The following TOP2B variants were observed in gnomAD, a reference collection of about 807,000 sequenced individuals.
TOP2B encodes DNA topoisomerase 2-beta.
Under a neutral mutation model 193.5 loss-of-function variants are expected in TOP2B, and 51 were observed. That is an observed-to-expected ratio of 0.26 (90% CI 0.21 to 0.33). TOP2B has a LOEUF of 0.33. TOP2B is among the 10% of genes least tolerant of loss of function. The pLI is 1.00. For synonymous variants in TOP2B, 634 were observed against 635.7 expected, an observed-to-expected ratio of 1.00 and a Z score of 0.04; for missense variants, 1,378 against 1,909.3, an observed-to-expected ratio of 0.72 and a Z score of 5.19.
Position 25,627,252 on chromosome 3 carries a change from C to T in TOP2B, c.1951G>A (p.Asp651Asn). The T allele has an allele frequency of 6.2e-7, 1 of 1,609,724 alleles. No homozygotes were observed. Among genetic ancestry groups the T allele is most frequent in the Non-Finnish European group, 8.5e-7 (1 of 1,178,422 alleles). ...TAKEAKEYFA[D>N]MERHRILFRY... The stretch of plus-strand genomic sequence containing the variant: ...AACAAGATGCGATGCCTTTCCATAT[C>T]AGCAAAATATTCCTTTGCTTCTTTA... The change falls in exon 16 of 36, where the codon GAT (aspartate) becomes AAT (asparagine). Residue 651 changes from aspartate (D) to asparagine (N), a missense_variant. Coordinates refer to ENST00000264331, the MANE Select transcript of TOP2B (RefSeq NM_001330700.2).
At chr3:25,662,132 C>T (rs964599805) in intron 1 of TOP2B, among the ~76,000 whole-genome samples, 6 of 152,192 alleles carry the variant, frequency 3.9e-5, no homozygotes, top group Non-Finnish European at 8.8e-5. Flanking sequence ...CATCATTAAG[C>T]CCAGCACTGT....
intron 21 of TOP2B, among the ~76,000 whole-genome samples, chr3:25,622,666 A>G (rs1040723559): frequency 3.4e-5 from 5 of 146,220 alleles, no homozygotes; most frequent in African/African-American, 1.3e-4. Context: ...TGGGAGACGG[A>G]GTCTCATTCT....
Position 25,634,778 on chromosome 3 carries a change from C to CAAAAAAAAAA in TOP2B, c.853-774_853-765dup, listed in dbSNP as rs34755793. Among the ~76,000 whole-genome samples, 3 of 26,560 alleles carry CAAAAAAAAAA rather than the reference C, an allele frequency of 1.1e-4. 1 individual carries two copies. Among genetic ancestry groups the CAAAAAAAAAA allele is most frequent in the Admixed American group, 4.5e-4 (1 of 2,200 alleles). 17.4% of individuals were successfully genotyped at this position (26,560 alleles called of 152,430 possible). ...ATCAACCCAGATCTATCTCCCTTACCAAAAAAAAAAAAAAAAAAACCAAAA... is the reference window on the plus strand; with the variant it reads ...ATCAACCCAGATCTATCTCCCTTACCAAAAAAAAAAAAAAAAAAAAAAAAAAAAACCAAAA... On this transcript the variant is annotated intron_variant, in intron 7 of 35. Coordinates refer to ENST00000264331, the MANE Select transcript of TOP2B (RefSeq NM_001330700.2).
At chr3:25,623,978 T>TA (rs1702730341) in intron 20 of TOP2B, among the ~76,000 whole-genome samples, 1 of 152,218 alleles carries the variant, frequency 6.6e-6, no homozygotes, top group South Asian at 2.1e-4. Context: ...CTTATGTACT[T>TA]ACCTACCTGA....
chr3:25,605,529 T>G (rs917167504), intron 32 of TOP2B, among the ~76,000 whole-genome samples: 3 of 151,990 alleles, frequency 2.0e-5, no homozygotes, highest in African/African-American at 7.2e-5. Context: ...ATGTGTGTAT[T>G]AAAAAATGAT....
In TOP2B at chr3:25,624,821, CT is replaced by C; in HGVS notation, c.2225-19del. 6.2e-7 allele frequency: 1 copy of C among 1,606,270 alleles called. No individual in the cohort carries two copies. The highest frequency in any genetic ancestry group is 8.5e-7 in the Non-Finnish European group (1 of 1,176,770). ...TTTAAAGCCTATTTTTAAAAGAGCT[CT>C]TTTAAAATGTTACTTCAAGATATAG... On this transcript the variant is annotated intron_variant, in intron 18 of 35. Transcript: ENST00000264331.
At chr3:25,611,318 C>T (rs898746848) in intron 28 of TOP2B, among the ~76,000 whole-genome samples, 4 of 152,070 alleles carry the variant, frequency 2.6e-5, no homozygotes, top group Admixed American at 6.6e-5. Flanking sequence ...ACCTGTGTGC[C>T]GTGGGGAGCC....
chr3:25,599,555 CTTCCGTGGTT>C (rs1702033423), intron 34 of TOP2B, 26 bp from the exon 35 acceptor site: 1 of 1,591,922 alleles, frequency 6.3e-7, no homozygotes, highest in Non-Finnish European at 8.6e-7. Flanking sequence ...AAGGTTTTTT[CTTCCGTGGTT>C]AAGTGCAATA....
At chr3:25,612,376 C>T in intron 28 of TOP2B, 139 bp downstream of exon 28, 1 of 592,684 alleles carries the variant, frequency 1.7e-6, no homozygotes, top group Non-Finnish European at 2.7e-6. Flanking sequence ...CAACTGCTGT[C>T]ATAGAAGGAT....
intron 9 of TOP2B, 41 bp from the exon 10 acceptor site, chr3:25,632,624 T>C: frequency 6.2e-7 from 1 of 1,603,846 alleles, no homozygotes; most frequent in South Asian, 1.1e-5. Flanking sequence ...TCAGAGCTGA[T>C]ATTTAGTAAT....
intron 28 of TOP2B, among the ~76,000 whole-genome samples, chr3:25,610,323 G>C (rs1702336845): frequency 6.6e-6 from 1 of 152,116 alleles, no homozygotes; most frequent in South Asian, 2.1e-4. Flanking sequence ...CACACAACAA[G>C]GATGAGTCAT....
Position 25,630,912 on chromosome 3 carries a change from TA to T in TOP2B, c.1293del (p.Ser431ArgfsTer3). 1 of 1,599,958 alleles carries T rather than the reference TA, an allele frequency of 6.3e-7. No homozygotes were observed. Among genetic ancestry groups the T allele is most frequent in the Non-Finnish European group, 8.5e-7 (1 of 1,174,508 alleles). ...KAASNCGIVE[S>X]ILNWVKFKAQ... ...GCCTTAAATTTCACCCAGTTCAGGA[TA>T]CTTTCTACAATGCCACAATTAGAGG... On this transcript the variant is annotated frameshift_variant, in exon 11 of 36. Transcript: ENST00000264331. LOFTEE classifies it high-confidence loss of function.
chr3:25,664,160 G>A (rs986019879), intron 1 of TOP2B, 69 bp downstream of exon 1: 3 of 1,278,624 alleles, frequency 2.3e-6, no homozygotes, highest in Middle Eastern at 2.5e-4. Flanking sequence ...TCCCCCGCCC[G>A]TTCGGAATTC....
intron 33 of TOP2B, among the ~76,000 whole-genome samples, chr3:25,602,415 A>AAAC (rs1702122453): frequency 8.8e-6 from 1 of 114,168 alleles, no homozygotes; most frequent in African/African-American, 6.3e-5. Context: ...AAAAAGAAAA[A>AAAC]GAAAAAAAAA....
chr3:25,662,825 T>C (rs888658060), intron 1 of TOP2B, among the ~76,000 whole-genome samples: 5 of 152,228 alleles, frequency 3.3e-5, no homozygotes, highest in African/African-American at 9.6e-5. Flanking sequence ...AAATAGTGAA[T>C]GAGAACTTAC....
At chr3:25,615,323 G>C in intron 26 of TOP2B, 35 bp from the exon 27 acceptor site, 1 of 1,581,390 alleles carries the variant, frequency 6.3e-7, no homozygotes, top group Non-Finnish European at 8.6e-7. Flanking sequence ...ACATTCAATA[G>C]TTTTAAAACA....
At chr3:25,638,831 T>C (rs1342151654) in intron 4 of TOP2B, among the ~76,000 whole-genome samples, 1 of 152,200 alleles carries the variant, frequency 6.6e-6, no homozygotes, top group Non-Finnish European at 1.5e-5. Context: ...TCAGATCTGG[T>C]ATTTATTTCT....
chr3:25,664,110 G>C (rs1421906991), intron 1 of TOP2B, 119 bp downstream of exon 1: 2 of 1,445,214 alleles, frequency 1.4e-6, no homozygotes, highest in Non-Finnish European at 1.9e-6. Context: ...GGCCCCTATG[G>C]AGCGCCCGTT....
chr3:25,604,974 C>T (rs1702199998), intron 32 of TOP2B, 104 bp from the exon 33 acceptor site: 1 of 740,648 alleles, frequency 1.4e-6, no homozygotes. Flanking sequence ...GACAATTGAT[C>T]TTATGTTACT....
Sources: gnomAD v4.1 joint callset for allele counts (sites outside exome capture counted in the v4.1 genomes callset) on GRCh38, gnomAD v4.1.1 for gene constraint, MANE v1.5 for transcripts, NCBI Gene and HGNC (gene_info 2026-07-23, HGNC 2026-07-21) for gene names.